P2RY14: variants seen among roughly 807,000 people sequenced by gnomAD.
P2RY14 encodes P2Y purinoceptor 14.
In P2RY14, 2 loss-of-function variants were observed where a neutral mutation model predicts 0.9. That is an observed-to-expected ratio of 2.16 (90% confidence interval 0.88 to 6.79). P2RY14 has a LOEUF of 6.79. Ranked by LOEUF, P2RY14 falls within the 30% of genes most tolerant of loss-of-function variation. The pLI, the probability that P2RY14 is intolerant of heterozygous loss-of-function variation, is 0.05. For synonymous variants in P2RY14, 158 were observed against 147.2 expected (o/e 1.07, Z -0.53); for missense variants, 378 against 400.1 (o/e 0.94, Z 0.47).
At position 151,213,761 on chromosome 3, in the gene P2RY14, C is replaced by T; in HGVS notation, c.556G>A (p.Ala186Thr). ...ATGGCCACGAAGATGTAGTTTGATG[C>T]TTTGTGCCACTTCCGTCCCAGTTCA... ...KSELGRKWHK[A>T]SNYIFVAIFW... The change falls in exon 3 of 3, where the codon GCA becomes ACA. Residue 186 changes from alanine (A) to threonine (T), a missense_variant. By Grantham distance (58) the Ala-to-Thr change is moderately conservative. Transcript: ENST00000309170. 1 of 1,614,144 alleles carries T rather than the reference C, an allele frequency of 6.2e-7. No individual in the cohort carries two copies. Among genetic ancestry groups the T allele is most frequent in the Non-Finnish European group, 8.5e-7 (1 of 1,180,000 alleles).
chr3:151,277,186 G>A (rs1480020094), intron 1 of P2RY14, among the ~76,000 whole-genome samples: 2 of 151,348 alleles, frequency 1.3e-5, no homozygotes, highest in Non-Finnish European at 2.9e-5. Flanking sequence ...TTACAGGTGT[G>A]AGCCACCATG....
At chr3:151,223,238 T>TG (rs11414248) in intron 1 of P2RY14, among the ~76,000 whole-genome samples, 102,457 of 150,358 alleles carry the variant, frequency 0.68, 35,229 homozygotes, top group African/African-American at 0.74. Context: ...TATGTACTCT[T>TG]GTGGGATTGT....
At chr3:151,231,808 G>T (rs1731729078) in intron 1 of P2RY14, among the ~76,000 whole-genome samples, 1 of 152,144 alleles carries the variant, frequency 6.6e-6, no homozygotes, top group Admixed American at 6.5e-5. Context: ...TGATGGTGTG[G>T]TTAAGCGAGA....
At chr3:151,268,802 T>A (rs1245689867) in intron 1 of P2RY14, among the ~76,000 whole-genome samples, 2 of 152,228 alleles carry the variant, frequency 1.3e-5, no homozygotes, top group African/African-American at 2.4e-5. Context: ...CAATTTAAGA[T>A]GTATCATAGA....
At chr3:151,225,090 C>G (rs1487582897) in intron 1 of P2RY14, among the ~76,000 whole-genome samples, 1 of 152,198 alleles carries the variant, frequency 6.6e-6, no homozygotes, top group Non-Finnish European at 1.5e-5. Context: ...GAACTTCTTT[C>G]ACCCTGCCTA....
At chr3:151,258,547 C>G (rs1374206717) in intron 1 of P2RY14, among the ~76,000 whole-genome samples, 1 of 152,146 alleles carries the variant, frequency 6.6e-6, no homozygotes, top group Non-Finnish European at 1.5e-5. Flanking sequence ...TGCTAAATCT[C>G]TAGGGCTGTG....
At chr3:151,240,927 T>C (rs770128477) in intron 1 of P2RY14, among the ~76,000 whole-genome samples, 2 of 152,230 alleles carry the variant, frequency 1.3e-5, no homozygotes, top group Non-Finnish European at 2.9e-5. Flanking sequence ...CCTGAATCAC[T>C]GAACCTCTCT....
chr3:151,219,133 A>T (rs999886162), intron 2 of P2RY14, among the ~76,000 whole-genome samples: 1 of 152,188 alleles, frequency 6.6e-6, no homozygotes, highest in Non-Finnish European at 1.5e-5. Flanking sequence ...AAGAATGTCA[A>T]TGCCAAAGAT....
At chr3:151,244,705 G>T (rs1423270257) in intron 1 of P2RY14, among the ~76,000 whole-genome samples, 1 of 151,326 alleles carries the variant, frequency 6.6e-6, no homozygotes, top group East Asian at 1.9e-4. Flanking sequence ...ACAATTAAAA[G>T]AACTAGAAAA....
In P2RY14 at chr3:151,213,076, T is replaced by C. The variant is rs1727447925; in HGVS notation, c.*224A>G. On this transcript the variant is annotated 3_prime_UTR_variant, in exon 3 of 3. Coordinates refer to ENST00000309170, the MANE Select transcript of P2RY14 (RefSeq NM_014879.4). ...ATAATTGTATGTATTAATTTTTTAT[T>C]AATAGAGAATAGAAAGGTCAGTATT... The C allele has an allele frequency of 1.3e-5, 4 of 317,354 alleles. No homozygotes were observed. The East Asian group carries it at 2.1e-4, about 17-fold the overall frequency. 19.7% of individuals were successfully genotyped at this position (317,354 alleles called of 1,614,324 possible).
At chr3:151,274,799 G>A (rs941797251) in intron 1 of P2RY14, among the ~76,000 whole-genome samples, 1 of 152,152 alleles carries the variant, frequency 6.6e-6, no homozygotes, top group African/African-American at 2.4e-5. Flanking sequence ...TTGTGGATAT[G>A]TCTGTTAGAA....
At chr3:151,242,590 A>G (rs1291813818) in intron 1 of P2RY14, among the ~76,000 whole-genome samples, 4 of 152,108 alleles carry the variant, frequency 2.6e-5, no homozygotes, top group Admixed American at 6.5e-5. Context: ...CAAACAGAAA[A>G]CACATCCACA....
chr3:151,241,579 C>A (rs1734085601), intron 1 of P2RY14, among the ~76,000 whole-genome samples: 2 of 152,122 alleles, frequency 1.3e-5, no homozygotes. Context: ...AACTGGAATA[C>A]ATATGCACAC....
At position 151,248,400 on chromosome 3, in the gene P2RY14, A is replaced by T. The variant is rs567678060; in HGVS notation, c.-132-28758T>A. 1.1e-3 allele frequency among the ~76,000 whole-genome samples: 160 copies of T among 152,186 alleles called. 2 individuals are homozygous for T. The highest frequency in any genetic ancestry group is 3.6e-3 in the African/African-American group (148 of 41,532). On this transcript the variant is annotated intron_variant, in intron 1 of 2. Transcript: ENST00000309170. ...TCACCTTTGGTTTCATTATTTGTAG[A>T]GTTTTAGCATTTTGTGCTTTTAAAC...
At chr3:151,238,356 A>C (rs1268065976) in intron 1 of P2RY14, among the ~76,000 whole-genome samples, 1 of 152,174 alleles carries the variant, frequency 6.6e-6, no homozygotes, top group African/African-American at 2.4e-5. Context: ...CTTGTTGGTC[A>C]GGCTGGTCTC....
chr3:151,245,497 A>G (rs1411643689), intron 1 of P2RY14, among the ~76,000 whole-genome samples: 6 of 139,982 alleles, frequency 4.3e-5, no homozygotes, highest in Non-Finnish European at 7.7e-5. Context: ...TCCAGCATAT[A>G]AACAGAGCCA....
intron 1 of P2RY14, among the ~76,000 whole-genome samples, chr3:151,275,600 C>T (rs998160987): frequency 2.0e-5 from 3 of 152,080 alleles, no homozygotes; most frequent in Admixed American, 6.5e-5. Flanking sequence ...CTTGGTGTTT[C>T]GGTGAATTAA....
At chr3:151,258,375 A>T (rs1738225951) in intron 1 of P2RY14, among the ~76,000 whole-genome samples, 1 of 152,204 alleles carries the variant, frequency 6.6e-6, no homozygotes, top group Non-Finnish European at 1.5e-5. Context: ...GTCATTGTGT[A>T]TAAACCAGGT....
At chr3:151,272,814 T>C (rs1156283713) in intron 1 of P2RY14, among the ~76,000 whole-genome samples, 1 of 152,170 alleles carries the variant, frequency 6.6e-6, no homozygotes, top group East Asian at 1.9e-4. Context: ...ATGATAACTC[T>C]TACAGCCATT....
Sources: allele counts gnomAD v4.1 joint callset (sites outside exome capture counted in the v4.1 genomes callset), GRCh38; gene constraint gnomAD v4.1.1; transcripts MANE v1.5; gene names NCBI Gene and HGNC (gene_info 2026-07-23, HGNC 2026-07-21).